The following RTN1 variants were observed in gnomAD, a reference collection of about 807,000 sequenced individuals.
The protein encoded by RTN1 is reticulon 1, also known as reticulon-1.
RTN1 carries 25 observed loss-of-function variants against 65.5 expected under a neutral mutation model. The ratio of observed to expected loss-of-function variants is 0.38; its 90% CI spans 0.28 to 0.53. The LOEUF is 0.53. Ranked by LOEUF, RTN1 falls within the 20% of genes least tolerant of loss-of-function variation. The pLI, the probability that RTN1 is intolerant of heterozygous loss-of-function variation, is 0.79. For synonymous variants in RTN1, 471 were observed against 447.6 expected (o/e 1.05, Z -0.66); for missense variants, 983 against 1,025.4 (o/e 0.96, Z 0.57).
chr14:59,738,905 A>T (rs1187498712), intron 2 of RTN1, among the ~76,000 whole-genome samples: 1 of 152,194 alleles, frequency 6.6e-6, no homozygotes, highest in African/African-American at 2.4e-5. Flanking sequence ...AGGAACAGAA[A>T]ACCAAATACC....
chr14:59,753,855 A>G (rs1885580139), intron 1 of RTN1, among the ~76,000 whole-genome samples: 1 of 152,218 alleles, frequency 6.6e-6, no homozygotes, highest in Admixed American at 6.5e-5. Context: ...AGACATTGCC[A>G]CATAACCAAG....
In RTN1 at chr14:59,727,670, T is replaced by C. The variant is rs746627316; in HGVS notation, c.1016-2A>G. 1 of 1,595,752 alleles carries C rather than the reference T, an allele frequency of 6.3e-7. No individual in the cohort carries two copies. Among genetic ancestry groups the C allele is most frequent in the Non-Finnish European group, 8.5e-7 (1 of 1,170,604 alleles). The stretch of plus-strand genomic sequence containing the variant: ...CCTGGGATTCTGCAGCAGATGGTTC[T>C]GTCGTCCCACAGAGCGAAGGAGAGC... On this transcript the variant is annotated splice_acceptor_variant, in intron 2 of 8. Transcript: ENST00000267484. LOFTEE classifies it high-confidence loss of function. The surrounding 1 kb of genome is among the most constrained non-coding windows in gnomAD (Gnocchi z 4.2).
At chr14:59,808,608 A>C (rs1459437712) in intron 1 of RTN1, among the ~76,000 whole-genome samples, 1 of 152,168 alleles carries the variant, frequency 6.6e-6, no homozygotes, top group Non-Finnish European at 1.5e-5. Flanking sequence ...AGGCTGCAGT[A>C]AGAACTGTAT....
chr14:59,799,392 C>T (rs1886497811), intron 1 of RTN1, among the ~76,000 whole-genome samples: 1 of 152,138 alleles, frequency 6.6e-6, no homozygotes, highest in Non-Finnish European at 1.5e-5. Flanking sequence ...GGATAATCTA[C>T]AAAATCATCA....
chr14:59,687,522 G>A (rs1883872715), intron 3 of RTN1, among the ~76,000 whole-genome samples: 2 of 151,756 alleles, frequency 1.3e-5, no homozygotes, highest in African/African-American at 4.8e-5. Flanking sequence ...TTCCTGTGCA[G>A]AGATCCTGGT....
chr14:59,704,260 C>A (rs1340446226), intron 3 of RTN1, among the ~76,000 whole-genome samples: 3 of 152,184 alleles, frequency 2.0e-5, no homozygotes, highest in Non-Finnish European at 4.4e-5. Flanking sequence ...TCAAGAACAA[C>A]CCCGCCCCCT....
At chr14:59,657,705 T>C (rs1883151528) in intron 3 of RTN1, among the ~76,000 whole-genome samples, 1 of 152,164 alleles carries the variant, frequency 6.6e-6, no homozygotes, top group African/African-American at 2.4e-5. Flanking sequence ...GAATGGTGCA[T>C]TCTGGCCCAG....
At chr14:59,749,096 A>C (rs1158770237) in intron 1 of RTN1, among the ~76,000 whole-genome samples, 10 of 82,850 alleles carry the variant, frequency 1.2e-4, no homozygotes, top group Admixed American at 1.6e-4. Flanking sequence ...GCATCTATAT[A>C]TATATCTATA....
chr14:59,828,461 A>C (rs1265691163), intron 1 of RTN1, among the ~76,000 whole-genome samples: 1 of 152,188 alleles, frequency 6.6e-6, no homozygotes, highest in Non-Finnish European at 1.5e-5. Context: ...TGCTGGCTAG[A>C]GTACAGAGGG....
intron 1 of RTN1, among the ~76,000 whole-genome samples, chr14:59,832,317 T>C (rs1179054315): frequency 1.3e-5 from 2 of 152,190 alleles, no homozygotes; most frequent in African/African-American, 4.8e-5. Flanking sequence ...ACATCTTTTT[T>C]TTTTCGTTCT....
At chr14:59,802,401 T>A (rs1039478673) in intron 1 of RTN1, among the ~76,000 whole-genome samples, 7 of 152,116 alleles carry the variant, frequency 4.6e-5, no homozygotes, top group Non-Finnish European at 7.3e-5. Flanking sequence ...CAGACTGATA[T>A]GACTTTCTTT....
At chr14:59,707,836 T>A (rs1013082254) in intron 3 of RTN1, among the ~76,000 whole-genome samples, 2 of 151,822 alleles carry the variant, frequency 1.3e-5, no homozygotes, top group Non-Finnish European at 2.9e-5. Flanking sequence ...AACAGCCTCA[T>A]CCAGTATTCA....
chr14:59,726,074 G>A (rs1025416558), intron 3 of RTN1, among the ~76,000 whole-genome samples: 1 of 152,200 alleles, frequency 6.6e-6, no homozygotes, highest in African/African-American at 2.4e-5. Context: ...AAAATAGAAT[G>A]AGCAGGACCT....
intron 1 of RTN1, among the ~76,000 whole-genome samples, chr14:59,778,177 A>G (rs1368302598): frequency 6.6e-6 from 1 of 152,120 alleles, no homozygotes; most frequent in East Asian, 1.9e-4. Flanking sequence ...CATTACCTCT[A>G]TCATGGCTTC....
At chr14:59,610,397 C>G (rs530375282) in intron 3 of RTN1, among the ~76,000 whole-genome samples, 1 of 152,180 alleles carries the variant, frequency 6.6e-6, no homozygotes, top group Non-Finnish European at 1.5e-5. Flanking sequence ...CACTTTGCAA[C>G]AATATTATCT....
rs1004654017 is a variant in RTN1 at position 59,870,714 on chromosome 14, C to T, written c.-84G>A. On this transcript the variant is annotated 5_prime_UTR_variant, in exon 1 of 9. Transcript: ENST00000267484. The surrounding 1 kb of genome is among the most constrained non-coding windows in gnomAD (Gnocchi z 5.1). ...CGCGGGCGCTCCCTGCTGCTGTCCC[C>T]GGAGGGACTCGGCGCTCAGGGAAGC... 8.0e-7 allele frequency: 1 copy of T among 1,256,962 alleles called. No homozygotes were observed. Among genetic ancestry groups the T allele is most frequent in the Non-Finnish European group, 1.0e-6 (1 of 1,000,340 alleles). The allele number at this position is 1,256,962 out of a possible 1,614,324, so 77.9% of individuals were successfully genotyped here. A position where few individuals can be genotyped will look rare whatever the true frequency, so the allele number is the denominator to read the frequency against.
intron 1 of RTN1, among the ~76,000 whole-genome samples, chr14:59,749,226 ATC>A (rs1381336096): frequency 1.0e-4 from 8 of 76,542 alleles, no homozygotes; most frequent in African/African-American, 7.6e-4. Flanking sequence ...ATATCTATAT[ATC>A]TATATATATC....
At chr14:59,651,346 G>T (rs2140199465) in intron 3 of RTN1, among the ~76,000 whole-genome samples, 1 of 152,256 alleles carries the variant, frequency 6.6e-6, no homozygotes, top group Non-Finnish European at 1.5e-5. Context: ...GCAGAAAACT[G>T]AAACTGGACC....
chr14:59,866,347 T>A (rs1364111500), intron 1 of RTN1, among the ~76,000 whole-genome samples: 1 of 151,932 alleles, frequency 6.6e-6, no homozygotes, highest in African/African-American at 2.4e-5. Flanking sequence ...GGATAGACAA[T>A]AAAATGGGCA....
Sources: gnomAD v4.1 joint callset for allele counts (sites outside exome capture counted in the v4.1 genomes callset) on GRCh38, gnomAD v4.1.1 for gene constraint, Gnocchi (gnomAD v3.1) non-coding constraint, MANE v1.5 for transcripts, NCBI Gene and HGNC (gene_info 2026-07-23, HGNC 2026-07-21) for gene names.